EDA: variants seen among roughly 807,000 people sequenced by gnomAD.
EDA encodes ectodysplasin A.
A neutral mutation model predicts 23.6 loss-of-function variants in EDA; 2 were observed. The observed-to-expected ratio is 0.08, with a 90% CI of 0.03 to 0.27. The LOEUF (loss-of-function observed/expected upper bound fraction) is 0.27, where lower values mean the gene tolerates loss of function less well. Among genes scored for constraint, EDA ranks in the 10% least tolerant of loss-of-function variants. The pLI is 1.00. For synonymous variants in EDA, 131 were observed against 132.0 expected, an observed-to-expected ratio of 0.99 and a Z score of 0.05; for missense variants, 229 against 324.2, an observed-to-expected ratio of 0.71 and a Z score of 2.26.
intron 1 of EDA, among the ~76,000 whole-genome samples, chrX:69,636,203 T>C (rs1416855831): frequency 9.1e-6 from 1 of 110,373 alleles, no homozygotes; most frequent in East Asian, 2.9e-4. Flanking sequence ...CTTAAGATAG[T>C]GAGTTCTCAT....
intron 1 of EDA, among the ~76,000 whole-genome samples, chrX:69,676,556 G>A (rs1320442507): frequency 9.1e-6 from 1 of 109,414 alleles, no homozygotes; most frequent in Non-Finnish European, 1.9e-5. Flanking sequence ...TAATTTCTTG[G>A]ACTCTCAATA....
chrX:69,917,753 A>G, intron 1 of EDA, among the ~76,000 whole-genome samples: 1 of 111,557 alleles, frequency 9.0e-6, no homozygotes, highest in South Asian at 3.8e-4. Flanking sequence ...TCAATTTTTT[A>G]ATAATAATAT....
At position 70,000,055 on chromosome X, in the gene EDA, G is replaced by T. The variant is rs566194884; in HGVS notation, c.503-23163G>T. 3.8e-4 allele frequency among the ~76,000 whole-genome samples: 43 copies of T among 112,119 alleles called. No homozygotes were observed. In the East Asian group the frequency reaches 8.9e-3, roughly 23 times the overall value. On this transcript the variant is annotated intron_variant, in intron 2 of 7. Transcript: ENST00000374552. ...TAACACTCTTTCCTGATTATTCTTA[G>T]TAAACGAGGAATAAAAGGGCATTCT...
chrX:69,734,614 T>C (rs1157565421), intron 1 of EDA, among the ~76,000 whole-genome samples: 1 of 111,695 alleles, frequency 9.0e-6, no homozygotes, highest in East Asian at 2.8e-4. Flanking sequence ...CAAAAAATTT[T>C]GGTATGTTGA....
At position 69,938,815 on chromosome X, in the gene EDA, T is replaced by C. The variant is rs919645452; in HGVS notation, c.397-18212T>C. Reference sequence around the variant, plus strand: ...GAGTCTAGTTTCATTCTTTTGCAAATGGATATCCAGTTTTCCCAGCACCAT... The same window carrying C: ...GAGTCTAGTTTCATTCTTTTGCAAACGGATATCCAGTTTTCCCAGCACCAT... On this transcript the variant is annotated intron_variant, in intron 1 of 7. Transcript: ENST00000374552. 2.7e-5 allele frequency among the ~76,000 whole-genome samples: 3 copies of C among 112,392 alleles called. No individual in the cohort carries two copies. In the East Asian group the frequency reaches 8.4e-4, roughly 31 times the overall value.
At chrX:69,626,103 AACCAC>A in intron 1 of EDA, among the ~76,000 whole-genome samples, 1 of 111,841 alleles carries the variant, frequency 8.9e-6, no homozygotes, top group Middle Eastern at 4.7e-3. Flanking sequence ...TTTAAATTAA[AACCAC>A]AGTGAGATAC....
intron 1 of EDA, among the ~76,000 whole-genome samples, chrX:69,941,316 T>C (rs1450424349): frequency 4.5e-5 from 5 of 111,714 alleles, no homozygotes; most frequent in Admixed American, 9.5e-5. Context: ...AGTCTGATGC[T>C]TCTTTGTTCA....
chrX:69,924,600 C>G (rs771175771), intron 1 of EDA, among the ~76,000 whole-genome samples: 2 of 111,519 alleles, frequency 1.8e-5, no homozygotes, highest in African/African-American at 6.5e-5. Context: ...CAGCTTTGTT[C>G]TTTTTACTTA....
intron 3 of EDA, 45 bp from the exon 4 acceptor site, chrX:70,027,812 G>A (rs769015893): frequency 1.7e-6 from 1 of 585,463 alleles, no homozygotes; most frequent in South Asian, 2.4e-5. Flanking sequence ...AACAGAGCAG[G>A]ACTCCGTCTC....
intron 1 of EDA, among the ~76,000 whole-genome samples, chrX:69,743,652 G>A (rs2013528761): frequency 9.0e-6 from 1 of 111,539 alleles, no homozygotes; most frequent in South Asian, 3.8e-4. Context: ...TGTGCTAATA[G>A]TTCTCTACAA....
chrX:69,836,625 C>T (rs1329463145), intron 1 of EDA, among the ~76,000 whole-genome samples: 1 of 112,108 alleles, frequency 8.9e-6, no homozygotes, highest in East Asian at 2.8e-4. Context: ...TCCCGTTTTT[C>T]CAGGTAGTCT....
chrX:69,673,541 A>G (rs1182092329), intron 1 of EDA, among the ~76,000 whole-genome samples: 1 of 108,256 alleles, frequency 9.2e-6, no homozygotes, highest in Non-Finnish European at 1.9e-5. Flanking sequence ...TTCCTTTTAG[A>G]TGGTAACAAA....
At chrX:69,924,199 G>C (rs1159818297) in intron 1 of EDA, among the ~76,000 whole-genome samples, 1 of 111,680 alleles carries the variant, frequency 9.0e-6, no homozygotes, top group East Asian at 2.8e-4. Context: ...TTTGGCTTTT[G>C]TTGCAATTGC....
chrX:69,758,011 A>C (rs1348035987), intron 1 of EDA, among the ~76,000 whole-genome samples: 2 of 112,231 alleles, frequency 1.8e-5, no homozygotes, highest in Non-Finnish European at 3.8e-5. Flanking sequence ...CATCATGCTC[A>C]AGCGATTTGT....
chrX:69,654,269 G>A (rs1156613192), intron 1 of EDA, among the ~76,000 whole-genome samples: 1 of 111,478 alleles, frequency 9.0e-6, no homozygotes, highest in African/African-American at 3.3e-5. Context: ...ACCAGTTAGA[G>A]TGGCGATCAT....
At chrX:69,771,838 C>T (rs941701076) in intron 1 of EDA, among the ~76,000 whole-genome samples, 2 of 112,534 alleles carry the variant, frequency 1.8e-5, no homozygotes, top group African/African-American at 6.5e-5. Context: ...TGGCTATTAG[C>T]TGTGATGTTA....
chrX:69,680,056 T>C (rs1934275363), intron 1 of EDA, among the ~76,000 whole-genome samples: 1 of 110,250 alleles, frequency 9.1e-6, no homozygotes, highest in African/African-American at 3.3e-5. Context: ...TCATCTTTAT[T>C]TCTGCCTTCA....
In EDA at chrX:70,035,840, A is replaced by G; in HGVS notation, c.*231A>G. The G allele has an allele frequency of 2.3e-6, 1 of 436,078 alleles. No individual in the cohort carries two copies. Among genetic ancestry groups the G allele is most frequent in the South Asian group, 3.8e-5 (1 of 25,975 alleles). The allele number at this position is 436,078 out of a possible 1,213,427, so 35.9% of individuals were successfully genotyped here. Reference sequence around the variant, plus strand: ...TGGAGCCCCAGGGTTTACATGAAGCAGAACCTTCTTTGGTTCCATGTTGAC... The same window carrying G: ...TGGAGCCCCAGGGTTTACATGAAGCGGAACCTTCTTTGGTTCCATGTTGAC... On this transcript the variant is annotated 3_prime_UTR_variant, in exon 8 of 8. Coordinates refer to ENST00000374552, the MANE Select transcript of EDA (RefSeq NM_001399.5).
At chrX:69,916,504 G>A (rs373690767) in intron 1 of EDA, among the ~76,000 whole-genome samples, 3 of 100,001 alleles carry the variant, frequency 3.0e-5, no homozygotes, top group East Asian at 3.4e-4. Flanking sequence ...CCGGGTTCAC[G>A]CCATTCTCCT....
Sources: gnomAD v4.1 joint callset for allele counts (sites outside exome capture counted in the v4.1 genomes callset) on GRCh38, gnomAD v4.1.1 for gene constraint, MANE v1.5 for transcripts, NCBI Gene and HGNC (gene_info 2026-07-23, HGNC 2026-07-21) for gene names.